DLGAP1: variants seen among roughly 807,000 people sequenced by gnomAD.
The protein encoded by DLGAP1 is disks large-associated protein 1.
DLGAP1 carries 11 observed loss-of-function variants against 90.8 expected under a neutral mutation model. The observed-to-expected ratio is 0.12, with a 90% CI of 0.08 to 0.20. The LOEUF (loss-of-function observed/expected upper bound fraction) is 0.20, where lower values mean the gene tolerates loss of function less well. DLGAP1 is among the 10% of genes least tolerant of loss of function. The probability of loss-of-function intolerance (pLI) is 1.00; values close to 1 mark genes in which losing one functional copy is unlikely to be tolerated. For missense variants in DLGAP1, 1,050 were observed against 1,333.8 expected, an observed-to-expected ratio of 0.79 and a Z score of 3.31; for synonymous variants, 558 against 540.7, an observed-to-expected ratio of 1.03 and a Z score of -0.44.
chr18:3,569,583 C>T (rs1334695457), intron 8 of DLGAP1, among the ~76,000 whole-genome samples: 3 of 151,790 alleles, frequency 2.0e-5, no homozygotes, highest in African/African-American at 7.2e-5. Context: ...TAAAAGTCTT[C>T]TTGTATTTTC....
intron 1 of DLGAP1, among the ~76,000 whole-genome samples, chr18:4,287,537 T>C (rs937662930): frequency 6.6e-6 from 1 of 152,180 alleles, no homozygotes; most frequent in Non-Finnish European, 1.5e-5. Flanking sequence ...GTTCATGTCC[T>C]TTGCAGGGAC....
chr18:4,078,491 T>C (rs2075557238), intron 2 of DLGAP1, among the ~76,000 whole-genome samples: 1 of 152,106 alleles, frequency 6.6e-6, no homozygotes, highest in South Asian at 2.1e-4. Flanking sequence ...TTGAAATGAG[T>C]GCTAACAAAG....
At chr18:4,069,437 G>A (rs12455660) in intron 2 of DLGAP1, among the ~76,000 whole-genome samples, 125,258 of 152,140 alleles carry the variant, frequency 0.82, 51,782 homozygotes, top group East Asian at 0.94. Context: ...TGTAATCCCC[G>A]ATGTTGAAGG....
chr18:3,977,753 C>T, intron 3 of DLGAP1: 1 of 351,134 alleles, frequency 2.8e-6, no homozygotes. Context: ...AGGGCAATGC[C>T]CACCCCAGCT....
chr18:3,826,108 G>C (rs1035925348), intron 4 of DLGAP1, among the ~76,000 whole-genome samples: 2 of 152,162 alleles, frequency 1.3e-5, no homozygotes, highest in African/African-American at 4.8e-5. Context: ...GGCAACAGTA[G>C]ACACTGAGGA....
intron 3 of DLGAP1, among the ~76,000 whole-genome samples, chr18:3,930,597 G>T (rs1228447797): frequency 2.6e-5 from 4 of 152,148 alleles, no homozygotes; most frequent in Non-Finnish European, 4.4e-5. Context: ...GGACGCCACG[G>T]CCTGTGACTG....
intron 1 of DLGAP1, among the ~76,000 whole-genome samples, chr18:4,440,924 G>A (rs114573072): frequency 1.5e-3 from 230 of 152,308 alleles, no homozygotes; most frequent in African/African-American, 5.3e-3. Flanking sequence ...TTTGAGCTAA[G>A]GGTACAACAA....
intron 10 of DLGAP1, among the ~76,000 whole-genome samples, chr18:3,515,151 T>A (rs2050755427): frequency 6.6e-6 from 1 of 152,238 alleles, no homozygotes. Context: ...GACAGCATTT[T>A]ACCCACAGTA....
rs560542815 is a variant in DLGAP1 at position 4,069,807 on chromosome 18, A to G, written c.-158-64606T>C. On this transcript the variant is annotated intron_variant, in intron 2 of 12. Coordinates refer to ENST00000315677, the MANE Select transcript of DLGAP1 (RefSeq NM_004746.4). ...CAGCAATGTGACAACGGACTAATAC[A>G]CTGGCCAATTTATCTCTTCATTTGT... is the stretch of plus-strand genomic sequence containing the variant. Among the ~76,000 whole-genome samples, 8 of 152,286 alleles carry G rather than the reference A, an allele frequency of 5.3e-5. No homozygotes were observed. In the East Asian group the frequency reaches 1.5e-3, roughly 29 times the overall value.
rs186391008 is a variant in DLGAP1 at position 4,083,943 on chromosome 18, G to A, written c.-159+67237C>T. 1.1e-4 allele frequency among the ~76,000 whole-genome samples: 17 copies of A among 152,232 alleles called. No individual in the cohort carries two copies. The East Asian group carries it at 2.1e-3, about 19-fold the overall frequency. ...TAGGACAGAGGGCTTTCTGTTTCCC[G>A]GGGTTCTTGCCTTAGTGTACTGGAA... is the stretch of plus-strand genomic sequence containing the variant. On this transcript the variant is annotated intron_variant, in intron 2 of 12. Transcript: ENST00000315677.
intron 1 of DLGAP1, among the ~76,000 whole-genome samples, chr18:4,403,659 T>C (rs1199737690): frequency 1.3e-5 from 2 of 152,196 alleles, no homozygotes; most frequent in South Asian, 2.1e-4. Flanking sequence ...CATTTTAAAA[T>C]GGAGAAATTT....
intron 1 of DLGAP1, among the ~76,000 whole-genome samples, chr18:4,448,804 A>G (rs889326941): frequency 3.9e-5 from 6 of 152,344 alleles, no homozygotes; most frequent in Admixed American, 2.0e-4. Context: ...CCACATCAGT[A>G]AAGATGTTAG....
chr18:3,859,521 T>C (rs978606116), intron 4 of DLGAP1, among the ~76,000 whole-genome samples: 47 of 152,180 alleles, frequency 3.1e-4, no homozygotes, highest in African/African-American at 1.1e-3. Context: ...GGGGAGATTG[T>C]CGTGCATTAT....
rs2080804207 is a variant in DLGAP1 at position 4,325,761 on chromosome 18, G to A, written c.-267+129245C>T. Among the ~76,000 whole-genome samples the A allele has an allele frequency of 2.0e-5, 3 of 152,020 alleles. No individual in the cohort carries two copies. The South Asian group carries it at 6.2e-4, about 32-fold the overall frequency. ...ACAAAGCTAACAAAAACAAGCAATGGGGAAAAGATCCTCCATTCAAAAAGT... is the reference window on the plus strand; with the variant it reads ...ACAAAGCTAACAAAAACAAGCAATGAGGAAAAGATCCTCCATTCAAAAAGT... On this transcript the variant is annotated intron_variant, in intron 1 of 12. Transcript: ENST00000315677.
chr18:4,378,544 C>A lies in DLGAP1; in HGVS notation c.-267+76462G>T, dbSNP rs1003628782. On this transcript the variant is annotated intron_variant, in intron 1 of 12. Coordinates refer to ENST00000315677, the MANE Select transcript of DLGAP1 (RefSeq NM_004746.4). This position sits in a 1 kb window ranked among gnomAD's most constrained non-coding sequence, Gnocchi z 4.5. The stretch of plus-strand genomic sequence containing the variant: ...TCAAGATTTATCTTCTATGAACCTA[C>A]AAACTGAATTATTAAAACCAAAATC... Among the ~76,000 whole-genome samples the A allele has an allele frequency of 5.9e-5, 9 of 152,016 alleles. No individual in the cohort carries two copies. Among genetic ancestry groups the A allele is most frequent in the African/African-American group, 2.2e-4 (9 of 41,404 alleles).
intron 4 of DLGAP1, among the ~76,000 whole-genome samples, chr18:3,818,384 G>T (rs2067215175): frequency 8.0e-6 from 1 of 125,680 alleles, no homozygotes; most frequent in Admixed American, 9.7e-5. Flanking sequence ...TTTTGAGACA[G>T]GGTCTTGCTC....
intron 7 of DLGAP1, among the ~76,000 whole-genome samples, chr18:3,684,990 C>T (rs1257625064): frequency 6.6e-6 from 1 of 152,154 alleles, no homozygotes; most frequent in African/African-American, 2.4e-5. Flanking sequence ...TTTTAGTAGC[C>T]ACAACTTAAT....
At chr18:4,214,331 G>A (rs1328584263) in intron 1 of DLGAP1, among the ~76,000 whole-genome samples, 1 of 151,558 alleles carries the variant, frequency 6.6e-6, no homozygotes, top group Non-Finnish European at 1.5e-5. Flanking sequence ...TTTGGTGGGG[G>A]GAAAAGGATT....
At chr18:4,099,919 T>C (rs1011080189) in intron 2 of DLGAP1, among the ~76,000 whole-genome samples, 1 of 152,084 alleles carries the variant, frequency 6.6e-6, no homozygotes, top group African/African-American at 2.4e-5. Flanking sequence ...GGTCTGGGTA[T>C]GTTGTCTATG....
Sources: gnomAD v4.1 joint callset for allele counts (sites outside exome capture counted in the v4.1 genomes callset) on GRCh38, gnomAD v4.1.1 for gene constraint, Gnocchi (gnomAD v3.1) non-coding constraint, MANE v1.5 for transcripts, NCBI Gene and HGNC (gene_info 2026-07-23, HGNC 2026-07-21) for gene names.